Variants in GRIA1 observed in about 807,000 individuals in gnomAD.
GRIA1 encodes glutamate ionotropic receptor AMPA type subunit 1.
GRIA1 carries 31 observed loss-of-function variants against 99.2 expected under a neutral mutation model. The observed-to-expected ratio is 0.31, with a 90% CI of 0.23 to 0.42. The LOEUF (loss-of-function observed/expected upper bound fraction) is 0.42, where lower values mean the gene tolerates loss of function less well. Among genes scored for constraint, GRIA1 ranks in the 10% least tolerant of loss-of-function variants. The pLI, the probability that GRIA1 is intolerant of heterozygous loss-of-function variation, is 1.00. For missense variants in GRIA1, 782 were observed against 1,157.5 expected, an observed-to-expected ratio of 0.68 and a Z score of 4.71; for synonymous variants, 438 against 432.4, an observed-to-expected ratio of 1.01 and a Z score of -0.16.
Position 153,494,040 on chromosome 5 carries a change from C to A in GRIA1, c.195C>A (p.Ser65Arg), listed in dbSNP as rs778014621. The change falls in exon 2 of 16, where the codon AGC (serine) becomes AGA (arginine). Residue 65 changes from serine (S) to arginine (R), a missense_variant. Coordinates refer to ENST00000285900, the MANE Select transcript of GRIA1 (RefSeq NM_000827.4). Reference sequence around the variant, plus strand: ...CCCAGATTGATATTGTGAACATCAGCGACAGCTTTGAGATGACCTATAGAT... The same window carrying A: ...CCCAGATTGATATTGTGAACATCAGAGACAGCTTTGAGATGACCTATAGAT... ...LLPQIDIVNI[S>R]DSFEMTYRFC... 1 of 1,613,834 alleles carries A rather than the reference C, an allele frequency of 6.2e-7. No homozygotes were observed. The highest frequency in any genetic ancestry group is 8.5e-7 in the Non-Finnish European group (1 of 1,179,894).
At chr5:153,782,205 G>A (rs1034422613) in intron 13 of GRIA1, among the ~76,000 whole-genome samples, 2 of 152,180 alleles carry the variant, frequency 1.3e-5, no homozygotes, top group Admixed American at 1.3e-4. Context: ...TCATTTTACA[G>A]ATAATGAATC....
At chr5:153,629,609 C>A (rs1752784722) in intron 2 of GRIA1, among the ~76,000 whole-genome samples, 1 of 152,244 alleles carries the variant, frequency 6.6e-6, no homozygotes, top group African/African-American at 2.4e-5. Flanking sequence ...CGTGTACACA[C>A]ACTTGGGAAC....
intron 2 of GRIA1, among the ~76,000 whole-genome samples, chr5:153,515,721 C>T (rs990074607): frequency 6.6e-6 from 1 of 152,142 alleles, no homozygotes; most frequent in Non-Finnish European, 1.5e-5. Context: ...CACACTGTAA[C>T]ACAGAAATAG....
chr5:153,686,220 T>C lies in GRIA1; in HGVS notation c.1030-5T>C, dbSNP rs1483942978. The stretch of plus-strand genomic sequence containing the variant: ...CACTGCCCACCACTTGGTTTTGTTT[T>C]CCAGGTGCGATTTGAAGGTTTAACA... On this transcript the variant is annotated splice_polypyrimidine_tract_variant and splice_region_variant and intron_variant, in intron 7 of 15. Transcript: ENST00000285900. 5 of 1,611,302 alleles carry C rather than the reference T, an allele frequency of 3.1e-6. No homozygotes were observed. The East Asian group carries it at 1.1e-4, about 36-fold the overall frequency.
intron 15 of GRIA1, among the ~76,000 whole-genome samples, chr5:153,809,179 T>G (rs541936387): frequency 5.3e-5 from 8 of 152,352 alleles, no homozygotes; most frequent in Admixed American, 2.6e-4. Flanking sequence ...AAATAAAATG[T>G]TATTTTCTCT....
chr5:153,731,338 T>C (rs1284098512), intron 11 of GRIA1, among the ~76,000 whole-genome samples: 2 of 151,906 alleles, frequency 1.3e-5, no homozygotes, highest in Non-Finnish European at 2.9e-5. Context: ...CTCTGTCCTT[T>C]TGCCTGGAGA....
chr5:153,761,094 C>A (rs966941180), intron 11 of GRIA1, among the ~76,000 whole-genome samples: 1 of 151,946 alleles, frequency 6.6e-6, no homozygotes, highest in Non-Finnish European at 1.5e-5. Context: ...ACAGGGGAAA[C>A]GTTTCATGAT....
chr5:153,707,095 G>A (rs574315719), intron 11 of GRIA1, among the ~76,000 whole-genome samples: 4 of 152,134 alleles, frequency 2.6e-5, no homozygotes, highest in African/African-American at 9.6e-5. Flanking sequence ...CTCCAGCCTG[G>A]GTGACAGAGT....
At chr5:153,714,946 A>G (rs542950749) in intron 11 of GRIA1, among the ~76,000 whole-genome samples, 14 of 152,364 alleles carry the variant, frequency 9.2e-5, no homozygotes, top group African/African-American at 3.4e-4. Flanking sequence ...TAGTGGCTGA[A>G]GGAGAAACGG....
chr5:153,490,485 T>G (rs1581118529), upstream of GRIA1: 1 of 223,782 alleles, frequency 4.5e-6, no homozygotes, highest in Non-Finnish European at 8.9e-6. Context: ...GGTAGGGAGG[T>G]CGGCTGTGGA....
At chr5:153,796,712 G>A (rs527462006) in intron 14 of GRIA1, among the ~76,000 whole-genome samples, 7 of 152,052 alleles carry the variant, frequency 4.6e-5, no homozygotes, top group African/African-American at 9.7e-5. Context: ...TGTGTGACTC[G>A]CCCAAGATTG....
chr5:153,646,982 G>A lies in GRIA1; in HGVS notation c.275G>A (p.Arg92Lys), dbSNP rs1284616991. Residue 92 changes from arginine (R) to lysine (K), a missense_variant, in exon 3 of 16, where the codon AGG becomes AAG. Arg to Lys is a conservative substitution (Grantham distance 26). Around this residue, in one of 5 missense-constraint regions of GRIA1, gnomAD observed 461 missense variants for 521.7 expected, o/e 0.88. Transcript: ENST00000285900. ...GCCATCTTTGGGTTTTATGAACGTA[G>A]GACTGTCAACATGCTGACCTCCTTT... is the stretch of plus-strand genomic sequence containing the variant. ...VYAIFGFYER[R>K]TVNMLTSFCG... 1 of 1,613,730 alleles carries A rather than the reference G, an allele frequency of 6.2e-7. No individual in the cohort carries two copies. Among genetic ancestry groups the A allele is most frequent in the Non-Finnish European group, 8.5e-7 (1 of 1,179,862 alleles).
At chr5:153,743,091 G>A (rs1458127056) in intron 11 of GRIA1, among the ~76,000 whole-genome samples, 1 of 152,204 alleles carries the variant, frequency 6.6e-6, no homozygotes, top group Non-Finnish European at 1.5e-5. Context: ...GCCTGAAAGT[G>A]AGCCTTTATT....
At chr5:153,616,861 T>G (rs573540785) in intron 2 of GRIA1, among the ~76,000 whole-genome samples, 1 of 152,330 alleles carries the variant, frequency 6.6e-6, no homozygotes, top group East Asian at 1.9e-4. Context: ...TGGAAAGTTA[T>G]TCTCTCTTCA....
At chr5:153,510,724 CA>C (rs1272172776) in intron 2 of GRIA1, among the ~76,000 whole-genome samples, 2 of 152,058 alleles carry the variant, frequency 1.3e-5, no homozygotes. Context: ...TGTTTATAAG[CA>C]AATAAAGGAT....
chr5:153,609,645 G>C (rs975281094), intron 2 of GRIA1, among the ~76,000 whole-genome samples: 5 of 138,206 alleles, frequency 3.6e-5, no homozygotes, highest in Non-Finnish European at 6.1e-5. Flanking sequence ...CTCACTGCAG[G>C]CTCCACCTTC....
intron 2 of GRIA1, among the ~76,000 whole-genome samples, chr5:153,541,363 C>T (rs1047689559): frequency 6.6e-6 from 1 of 152,150 alleles, no homozygotes; most frequent in African/African-American, 2.4e-5. Context: ...GAGGAAAGGA[C>T]CTAATATTTG....
intron 15 of GRIA1, among the ~76,000 whole-genome samples, chr5:153,806,100 G>C (rs1766408068): frequency 1.3e-5 from 2 of 152,076 alleles, no homozygotes; most frequent in Non-Finnish European, 1.5e-5. Flanking sequence ...TTATTTTTCT[G>C]TGCTTAGCTT....
chr5:153,751,193 T>C (rs1453722110), intron 11 of GRIA1, among the ~76,000 whole-genome samples: 1 of 152,228 alleles, frequency 6.6e-6, no homozygotes, highest in African/African-American at 2.4e-5. Flanking sequence ...CCCTTCAGCT[T>C]CATCTGAACC....
Sources: gnomAD v4.1 joint callset for allele counts (sites outside exome capture counted in the v4.1 genomes callset) on GRCh38, gnomAD v4.1.1 for gene constraint, gnomAD v4.1.1 regional missense constraint, MANE v1.5 for transcripts, NCBI Gene and HGNC (gene_info 2026-07-23, HGNC 2026-07-21) for gene names.